ANXA4: variants seen among roughly 807,000 people sequenced by gnomAD.
ANXA4 encodes annexin A4.
Under a neutral mutation model 49.8 loss-of-function variants are expected in ANXA4, and 39 were observed. That is an observed-to-expected ratio of 0.78 (90% CI 0.61 to 1.02). The LOEUF is 1.02. Ranked by LOEUF, ANXA4 falls within the 50% of genes least tolerant of loss-of-function variation. The probability of loss-of-function intolerance (pLI) is 0.00; values close to 1 mark genes in which losing one functional copy is unlikely to be tolerated. For missense variants in ANXA4, 360 were observed against 410.1 expected (o/e 0.88, Z 1.05); for synonymous variants, 134 against 152.5 (o/e 0.88, Z 0.89).
At chr2:69,742,864 T>A (rs1305742278) in intron 1 of ANXA4, among the ~76,000 whole-genome samples, 1 of 152,186 alleles carries the variant, frequency 6.6e-6, no homozygotes, top group Non-Finnish European at 1.5e-5. Context: ...GCATAACTCG[T>A]GCTTTACATG....
chr2:69,789,048 G>T (rs1672556047), intron 3 of ANXA4, among the ~76,000 whole-genome samples: 1 of 152,062 alleles, frequency 6.6e-6, no homozygotes, highest in Non-Finnish European at 1.5e-5. Context: ...AACCTGCTTT[G>T]AATTACGACA....
chr2:69,721,651 A>T (rs369005261), intron 3 of ANXA4, among the ~76,000 whole-genome samples: 1 of 152,040 alleles, frequency 6.6e-6, no homozygotes, highest in Non-Finnish European at 1.5e-5. Context: ...GCAAGCTGTG[A>T]TCATGCCACT....
At chr2:69,823,379 A>G (rs1674329442) in intron 12 of ANXA4, among the ~76,000 whole-genome samples, 1 of 151,690 alleles carries the variant, frequency 6.6e-6, no homozygotes, top group Non-Finnish European at 1.5e-5. Context: ...TGTAAATAAT[A>G]GAAAAAAATG....
intron 1 of ANXA4, among the ~76,000 whole-genome samples, chr2:69,763,146 C>T (rs1170164712): frequency 6.6e-6 from 1 of 152,084 alleles, no homozygotes; most frequent in African/African-American, 2.4e-5. Flanking sequence ...TGCTCTTCTG[C>T]CGGAATCAGC....
chr2:69,773,621 C>CTTTT lies in ANXA4; in HGVS notation c.-46-7878_-46-7875dup, dbSNP rs67161210. Reference sequence around the variant, plus strand: ...TTCTTTTCTTTTCTTTTCTTTCCTTCTTTTTTTTTTTTTTTTTTTTTTTTG... The same window carrying CTTTT: ...TTCTTTTCTTTTCTTTTCTTTCCTTCTTTTTTTTTTTTTTTTTTTTTTTTTTTTG... On this transcript the variant is annotated intron_variant, in intron 1 of 12. Coordinates refer to ENST00000394295, the MANE Select transcript of ANXA4 (RefSeq NM_001153.5). 5.8e-3 allele frequency among the ~76,000 whole-genome samples: 540 copies of CTTTT among 93,118 alleles called. 1 individual carries two copies. The highest frequency in any genetic ancestry group is 0.018 in the East Asian group (46 of 2,540). The allele number at this position is 93,118 out of a possible 152,430, so 61.1% of individuals were successfully genotyped here.
chr2:69,761,356 T>C (rs1671277883), intron 1 of ANXA4, among the ~76,000 whole-genome samples: 1 of 152,220 alleles, frequency 6.6e-6, no homozygotes, highest in Admixed American at 6.5e-5. Flanking sequence ...GCTCAAATTA[T>C]TTCAAACATA....
At chr2:69,787,742 A>C (rs1000507084) in intron 2 of ANXA4, among the ~76,000 whole-genome samples, 5 of 152,144 alleles carry the variant, frequency 3.3e-5, no homozygotes, top group African/African-American at 9.7e-5. Flanking sequence ...GCTTCATTTC[A>C]TTCAGCTCTT....
At chr2:69,672,039 G>C (rs1488480180) in intron 2 of ANXA4, among the ~76,000 whole-genome samples, 4 of 152,140 alleles carry the variant, frequency 2.6e-5, no homozygotes, top group African/African-American at 7.2e-5. Flanking sequence ...TGGGTAGCAG[G>C]AGACATGTGG....
At chr2:69,714,817 C>T (rs573696642) in intron 2 of ANXA4, among the ~76,000 whole-genome samples, 5 of 152,300 alleles carry the variant, frequency 3.3e-5, no homozygotes, top group South Asian at 2.1e-4. Context: ...CCTTGGCTTC[C>T]CCGGGGCTTG....
At chr2:69,657,808 A>G (rs2105318042) in intron 2 of ANXA4, among the ~76,000 whole-genome samples, 1 of 152,316 alleles carries the variant, frequency 6.6e-6, no homozygotes, top group East Asian at 1.9e-4. Context: ...AACACAAAAA[A>G]TAAAAATATA....
chr2:69,669,255 C>A (rs918826641), intron 2 of ANXA4, among the ~76,000 whole-genome samples: 1 of 151,426 alleles, frequency 6.6e-6, no homozygotes, highest in Non-Finnish European at 1.5e-5. Flanking sequence ...TTCTTTGAGC[C>A]CATTTTTGTC....
chr2:69,676,187 A>T (rs1330166117), intron 2 of ANXA4, among the ~76,000 whole-genome samples: 2 of 152,124 alleles, frequency 1.3e-5, no homozygotes, highest in East Asian at 3.8e-4. Flanking sequence ...GAAATATATT[A>T]ATGTTAAAAA....
At chr2:69,809,703 C>T (rs1364536253) in intron 6 of ANXA4, 2 of 152,306 alleles carry the variant, frequency 1.3e-5, no homozygotes, top group African/African-American at 4.8e-5. Flanking sequence ...GTCTCGAACT[C>T]CTGGATTCAA....
At chr2:69,778,396 A>T (rs868489460) in intron 1 of ANXA4, among the ~76,000 whole-genome samples, 1 of 152,244 alleles carries the variant, frequency 6.6e-6, no homozygotes, top group Non-Finnish European at 1.5e-5. Context: ...GTTACAATGC[A>T]TCTCTACAGT....
At chr2:69,684,470 C>G (rs570539501) in intron 2 of ANXA4, among the ~76,000 whole-genome samples, 6 of 152,020 alleles carry the variant, frequency 3.9e-5, no homozygotes, top group Non-Finnish European at 7.4e-5. Flanking sequence ...AGTGCAGTGG[C>G]TCATGCCTAT....
At chr2:69,776,119 C>T (rs1671955006) in intron 1 of ANXA4, among the ~76,000 whole-genome samples, 1 of 151,952 alleles carries the variant, frequency 6.6e-6, no homozygotes, top group Non-Finnish European at 1.5e-5. Context: ...GGATTACAGG[C>T]ACTCACCACC....
chr2:69,730,268 A>G (rs1300233316), intron 3 of ANXA4, among the ~76,000 whole-genome samples: 1 of 152,148 alleles, frequency 6.6e-6, no homozygotes, highest in Non-Finnish European at 1.5e-5. Flanking sequence ...TTGGGAGGCC[A>G]AGGTGGGTGG....
chr2:69,741,367 A>T (rs1670389990), upstream of ANXA4, among the ~76,000 whole-genome samples: 1 of 152,228 alleles, frequency 6.6e-6, no homozygotes. Context: ...GGAAGCAGAT[A>T]TGAAAACACA....
intron 2 of ANXA4, among the ~76,000 whole-genome samples, chr2:69,718,752 C>CAT (rs1669724464): frequency 7.0e-6 from 1 of 143,274 alleles, no homozygotes; most frequent in Non-Finnish European, 1.5e-5. Context: ...CACATACATG[C>CAT]ATACACACAC....
Sources: gnomAD v4.1 joint callset for allele counts (sites outside exome capture counted in the v4.1 genomes callset) on GRCh38, gnomAD v4.1.1 for gene constraint, MANE v1.5 for transcripts, NCBI Gene and HGNC (gene_info 2026-07-23, HGNC 2026-07-21) for gene names.